CCSER1: variants seen among roughly 807,000 people sequenced by gnomAD.
CCSER1 encodes the protein coiled-coil serine rich protein 1.
Under a neutral mutation model 82.0 loss-of-function variants are expected in CCSER1, and 41 were observed. The observed-to-expected ratio is 0.50, with a 90% CI of 0.39 to 0.65. The LOEUF is 0.65. CCSER1 is among the 30% of genes least tolerant of loss of function. CCSER1 has a pLI of 0.00. For synonymous variants in CCSER1, 414 were observed against 383.9 expected, an observed-to-expected ratio of 1.08 and a Z score of -0.92; for missense variants, 1,119 against 1,064.2, an observed-to-expected ratio of 1.05 and a Z score of -0.72.
chr4:91,248,435 G>A (rs535883926), intron 10 of CCSER1, among the ~76,000 whole-genome samples: 34 of 152,310 alleles, frequency 2.2e-4, no homozygotes, highest in Non-Finnish European at 3.2e-4. Context: ...CATAAACAAC[G>A]TTGAGTCATG....
At chr4:90,527,377 A>C (rs777416327) in intron 5 of CCSER1, among the ~76,000 whole-genome samples, 39 of 152,204 alleles carry the variant, frequency 2.6e-4, no homozygotes, top group Non-Finnish European at 5.1e-4. Flanking sequence ...AGGAAATGCA[A>C]ATTAAAACCA....
At chr4:90,975,053 C>A (rs955047973) in intron 9 of CCSER1, among the ~76,000 whole-genome samples, 2 of 151,320 alleles carry the variant, frequency 1.3e-5, no homozygotes, top group Non-Finnish European at 1.5e-5. Context: ...AAATACTGAT[C>A]TATTTTACAA....
At position 91,133,571 on chromosome 4, in the gene CCSER1, T is replaced by C. The variant is rs547151821; in HGVS notation, c.2217+47577T>C. On this transcript the variant is annotated intron_variant, in intron 10 of 10. Coordinates refer to ENST00000509176, the MANE Select transcript of CCSER1 (RefSeq NM_001145065.2). ...GTATAAACTTTTGATTTTTGATAGA[T>C]GATAGGTAGATAGATGAGATAATGT... 1.2e-4 allele frequency among the ~76,000 whole-genome samples: 19 copies of C among 152,290 alleles called. 1 individual carries two copies. In the South Asian group the frequency reaches 3.9e-3, roughly 32 times the overall value.
intron 1 of CCSER1, among the ~76,000 whole-genome samples, chr4:90,260,590 T>C (rs561680794): frequency 6.6e-4 from 100 of 152,346 alleles, no homozygotes; most frequent in South Asian, 1.5e-3. Context: ...CTTCTTCTGG[T>C]TTTCATTTAC....
intron 10 of CCSER1, among the ~76,000 whole-genome samples, chr4:91,101,712 G>A (rs1301574101): frequency 6.6e-6 from 1 of 151,402 alleles, no homozygotes; most frequent in East Asian, 1.9e-4. Context: ...AACAAATGAA[G>A]ACAAGATTGA....
At chr4:90,595,372 TTA>T (rs2148715668) in intron 5 of CCSER1, among the ~76,000 whole-genome samples, 1 of 152,110 alleles carries the variant, frequency 6.6e-6, no homozygotes, top group African/African-American at 2.4e-5. Flanking sequence ...CTTGAAATAT[TTA>T]TATGTTAATA....
intron 10 of CCSER1, among the ~76,000 whole-genome samples, chr4:91,247,689 G>A (rs1335449684): frequency 2.6e-5 from 4 of 152,056 alleles, no homozygotes; most frequent in African/African-American, 4.8e-5. Flanking sequence ...CCAACATGGC[G>A]AAACCCTGTC....
intron 4 of CCSER1, among the ~76,000 whole-genome samples, chr4:90,403,516 A>AG (rs1753241047): frequency 6.7e-6 from 1 of 149,988 alleles, no homozygotes; most frequent in African/African-American, 2.5e-5. Flanking sequence ...AAAAAAAAAA[A>AG]AAAAGAAAAA....
intron 1 of CCSER1, among the ~76,000 whole-genome samples, chr4:90,195,063 T>G (rs1322411837): frequency 1.3e-5 from 2 of 152,090 alleles, no homozygotes; most frequent in Non-Finnish European, 2.9e-5. Context: ...TTATGGACAT[T>G]CCTGTCATAT....
intron 10 of CCSER1, among the ~76,000 whole-genome samples, chr4:91,255,086 T>C (rs1339029517): frequency 6.6e-6 from 1 of 152,170 alleles, no homozygotes; most frequent in Non-Finnish European, 1.5e-5. Context: ...TAAAATAGTC[T>C]GTAATATTAA....
intron 10 of CCSER1, among the ~76,000 whole-genome samples, chr4:91,378,410 T>A (rs1205272557): frequency 6.6e-6 from 1 of 152,202 alleles, no homozygotes; most frequent in African/African-American, 2.4e-5. Flanking sequence ...TTTGTTTGTG[T>A]CCTCTTTTAT....
rs1754613953 is a variant in CCSER1 at position 90,787,063 on chromosome 4, AC to A, written c.2011-28698del. Among the ~76,000 whole-genome samples the A allele has an allele frequency of 3.9e-5, 6 of 152,322 alleles. No homozygotes were observed. In the South Asian group the frequency reaches 1.2e-3, roughly 32 times the overall value. ...CATAGAGTGAGGTATGGGGGAAGGG[AC>A]ACAGAGCTTCCTTGCCCACCCTGGG... On this transcript the variant is annotated intron_variant, in intron 7 of 10. Transcript: ENST00000509176.
chr4:91,583,287 T>G (rs942659324), intron 10 of CCSER1, among the ~76,000 whole-genome samples: 3 of 151,446 alleles, frequency 2.0e-5, no homozygotes, highest in Non-Finnish European at 4.4e-5. Context: ...AATAAAATAA[T>G]CAGTATTTCT....
rs1010254147 is a variant in CCSER1, at chr4:90,635,228, T to A, written c.1932+6996T>A. ...ATCAATATTTTTAACCCAATTGACA[T>A]TTATAGAATACTACAATTAATAAAA... On this transcript the variant is annotated intron_variant, in intron 6 of 10. Coordinates refer to ENST00000509176, the MANE Select transcript of CCSER1 (RefSeq NM_001145065.2). Among the ~76,000 whole-genome samples, 9 of 151,848 alleles carry A rather than the reference T, an allele frequency of 5.9e-5. No individual in the cohort carries two copies. The East Asian group carries it at 1.7e-3, about 29-fold the overall frequency.
chr4:90,173,792 G>A (rs1163116879), intron 1 of CCSER1, among the ~76,000 whole-genome samples: 1 of 151,898 alleles, frequency 6.6e-6, no homozygotes, highest in Non-Finnish European at 1.5e-5. Flanking sequence ...CATCTTCATA[G>A]GTCACTTAAG....
intron 7 of CCSER1, among the ~76,000 whole-genome samples, chr4:90,739,911 A>G (rs1419387102): frequency 1.3e-5 from 2 of 152,144 alleles, no homozygotes; most frequent in African/African-American, 4.8e-5. Context: ...ACTCGATATG[A>G]TGTTAAAACC....
intron 5 of CCSER1, among the ~76,000 whole-genome samples, chr4:90,554,726 T>C (rs1218135323): frequency 1.3e-5 from 2 of 152,222 alleles, no homozygotes; most frequent in Non-Finnish European, 2.9e-5. Context: ...TATCTTTCTG[T>C]AAGTGAATGC....
chr4:90,622,883 A>G (rs1425804610), intron 5 of CCSER1, among the ~76,000 whole-genome samples: 1 of 152,106 alleles, frequency 6.6e-6, no homozygotes, highest in Admixed American at 6.6e-5. Flanking sequence ...AGTCCCACCA[A>G]CAGTGTAAAA....
At position 91,025,762 on chromosome 4, in the gene CCSER1, C is replaced by T. The variant is rs574793210; in HGVS notation, c.2173-60188C>T. Among the ~76,000 whole-genome samples, 69 of 152,202 alleles carry T rather than the reference C, an allele frequency of 4.5e-4. 1 individual carries two copies. In the South Asian group the frequency reaches 0.014, roughly 31 times the overall value. ...TGCAGTGGAACCCAAATTGTGTTTTCTGTTCCTGGTAGGTAATCATGTGTA... is the reference window on the plus strand; with the variant it reads ...TGCAGTGGAACCCAAATTGTGTTTTTTGTTCCTGGTAGGTAATCATGTGTA... On this transcript the variant is annotated intron_variant, in intron 9 of 10. Transcript: ENST00000509176.
Sources: gnomAD v4.1 joint callset for allele counts (sites outside exome capture counted in the v4.1 genomes callset) on GRCh38, gnomAD v4.1.1 for gene constraint, MANE v1.5 for transcripts, NCBI Gene and HGNC (gene_info 2026-07-23, HGNC 2026-07-21) for gene names.